FAM83B: variants seen among roughly 807,000 people sequenced by gnomAD.
FAM83B encodes protein FAM83B.
Under a neutral mutation model 38.8 loss-of-function variants are expected in FAM83B, and 26 were observed. That is an observed-to-expected ratio of 0.67 (90% confidence interval 0.49 to 0.93). FAM83B has a LOEUF of 0.93. Among genes scored for constraint, FAM83B ranks in the 40% least tolerant of loss-of-function variants. FAM83B has a pLI of 0.00. For missense variants in FAM83B, 1,237 were observed against 1,197.3 expected (o/e 1.03, Z -0.49); for synonymous variants, 419 against 423.1 (o/e 0.99, Z 0.12).
chr6:54,870,230 GC>G lies in FAM83B; in HGVS notation c.-15del. On this transcript the variant is annotated 5_prime_UTR_variant, in exon 2 of 5. Transcript: ENST00000306858. ...TGAATGGACATTTGAAAGTGCCATA[GC>G]CAAACACTTGCAAGCATGGAGACCT... The G allele has an allele frequency of 6.3e-7, 1 of 1,599,556 alleles. No individual in the cohort carries two copies. The highest frequency in any genetic ancestry group is 2.2e-5 in the East Asian group (1 of 44,614).
rs141544107 is a variant in FAM83B, at chr6:54,939,644, G to A, written c.735-62G>A. The A allele has an allele frequency of 1.4e-3, 1,985 of 1,408,582 alleles. 31 individuals are homozygous for A. In the African/African-American group the frequency reaches 0.025, roughly 18 times the overall value. 87.3% of individuals were successfully genotyped at this position (1,408,582 alleles called of 1,614,324 possible). ...TAGTCATTAAGTGATACTTTTTTTA[G>A]TAGAACTATATGTTATTATCAATCT... On this transcript the variant is annotated intron_variant, in intron 4 of 4. Coordinates refer to ENST00000306858, the MANE Select transcript of FAM83B (RefSeq NM_001010872.3).
intron 2 of FAM83B, among the ~76,000 whole-genome samples, chr6:54,911,201 A>G (rs1040730094): frequency 3.3e-5 from 5 of 151,626 alleles, no homozygotes; most frequent in African/African-American, 1.2e-4. Flanking sequence ...ACATTTTTAT[A>G]TAGAATGTTA....
intron 4 of FAM83B, among the ~76,000 whole-genome samples, chr6:54,931,611 G>A (rs1303264538): frequency 1.3e-5 from 2 of 151,554 alleles, no homozygotes; most frequent in East Asian, 3.9e-4. Flanking sequence ...TATTTTTACA[G>A]CAATTCCTGC....
At position 54,943,370 on chromosome 6, in the gene FAM83B, T is replaced by A. The variant is rs1773746401; in HGVS notation, c.*1363T>A. ...AGCTCCATATCTGTTCCAGAGACTTTAACTTGACTTTGCTTCATTCACAAA... is the reference window on the plus strand; with the variant it reads ...AGCTCCATATCTGTTCCAGAGACTTAAACTTGACTTTGCTTCATTCACAAA... On this transcript the variant is annotated 3_prime_UTR_variant, in exon 5 of 5. Coordinates refer to ENST00000306858, the MANE Select transcript of FAM83B (RefSeq NM_001010872.3). 1 of 152,198 alleles carries A rather than the reference T, an allele frequency of 6.6e-6. No individual in the cohort carries two copies. Among genetic ancestry groups the A allele is most frequent in the Non-Finnish European group, 1.5e-5 (1 of 68,022 alleles). The allele number at this position is 152,198 out of a possible 1,614,324, so 9.4% of individuals were successfully genotyped here.
chr6:54,847,456 G>A (rs1300007601), intron 1 of FAM83B, among the ~76,000 whole-genome samples: 2 of 152,124 alleles, frequency 1.3e-5, no homozygotes, highest in African/African-American at 4.8e-5. Flanking sequence ...GGGTCGGCCT[G>A]AGTCTGGGTC....
intron 1 of FAM83B, among the ~76,000 whole-genome samples, chr6:54,848,218 C>T (rs934413237): frequency 2.0e-5 from 3 of 152,140 alleles, no homozygotes; most frequent in Admixed American, 2.0e-4. Flanking sequence ...TTCTCTCTGT[C>T]TTCCTATAGT....
At chr6:54,900,876 A>G (rs2127582206) in intron 2 of FAM83B, among the ~76,000 whole-genome samples, 1 of 152,336 alleles carries the variant, frequency 6.6e-6, no homozygotes, top group African/African-American at 2.4e-5. Flanking sequence ...AACCACAAGC[A>G]CTGTATCCAC....
At position 54,941,114 on chromosome 6, in the gene FAM83B, C is replaced by T. The variant is rs1773676475; in HGVS notation, c.2143C>T (p.His715Tyr). The part of the protein sequence containing the change: ...KSSKSMHNVT[H>Y]NLEEDEEEVT... ...TTCTAAAAGCATGCACAATGTGACT[C>T]ATAACTTGGAGGAGGATGAGGAGGA... Residue 715 changes from histidine (H) to tyrosine (Y), a missense_variant, in exon 5 of 5, where the codon CAT becomes TAT. Coordinates refer to ENST00000306858, the MANE Select transcript of FAM83B (RefSeq NM_001010872.3). 6.2e-7 allele frequency: 1 copy of T among 1,613,556 alleles called. No homozygotes were observed. Among genetic ancestry groups the T allele is most frequent in the Admixed American group, 1.7e-5 (1 of 59,900 alleles).
chr6:54,928,641 C>A (rs1503150), intron 4 of FAM83B, among the ~76,000 whole-genome samples: 44,223 of 151,952 alleles, frequency 0.29, 9,716 homozygotes, highest in African/African-American at 0.62. Context: ...GCTTGAAATT[C>A]GTGAGTCCTT....
At chr6:54,895,922 A>G (rs1423429245) in intron 2 of FAM83B, among the ~76,000 whole-genome samples, 1 of 151,714 alleles carries the variant, frequency 6.6e-6, no homozygotes, top group Non-Finnish European at 1.5e-5. Context: ...GTCTTGCTCT[A>G]TCACCCAAGC....
intron 2 of FAM83B, 65 bp downstream of exon 2, chr6:54,870,755 C>G (rs1771834146): frequency 7.3e-7 from 1 of 1,378,702 alleles, no homozygotes; most frequent in African/African-American, 1.5e-5. Flanking sequence ...AGAGTAATAA[C>G]ACAAATATGT....
intron 3 of FAM83B, 23 bp downstream of exon 3, chr6:54,926,558 C>A: frequency 6.9e-7 from 1 of 1,452,348 alleles, no homozygotes. Context: ...TTTTTTTTTT[C>A]CTCAAGTATT....
At chr6:54,913,317 C>G (rs1772956758) in intron 2 of FAM83B, among the ~76,000 whole-genome samples, 1 of 151,996 alleles carries the variant, frequency 6.6e-6, no homozygotes, top group East Asian at 1.9e-4. Flanking sequence ...ATATTGTCAC[C>G]AACATTTTTA....
intron 2 of FAM83B, among the ~76,000 whole-genome samples, chr6:54,911,629 A>G (rs1367712615): frequency 6.6e-6 from 1 of 151,962 alleles, no homozygotes; most frequent in Non-Finnish European, 1.5e-5. Flanking sequence ...TTAAGGTTAG[A>G]TTTTTTACTG....
At chr6:54,911,578 C>T (rs990136346) in intron 2 of FAM83B, among the ~76,000 whole-genome samples, 1 of 152,038 alleles carries the variant, frequency 6.6e-6, no homozygotes, top group African/African-American at 2.4e-5. Context: ...CCCTTCTTAG[C>T]ATATGGCTTT....
intron 2 of FAM83B, among the ~76,000 whole-genome samples, chr6:54,889,151 C>G (rs971520407): frequency 2.0e-5 from 3 of 151,996 alleles, no homozygotes; most frequent in Admixed American, 6.6e-5. Flanking sequence ...TTCTTGGCAT[C>G]TGTTGTCTTG....
chr6:54,937,480 T>G (rs1248510551), intron 4 of FAM83B, among the ~76,000 whole-genome samples: 1 of 152,152 alleles, frequency 6.6e-6, no homozygotes, highest in Non-Finnish European at 1.5e-5. Context: ...AATTCTGCCC[T>G]TTAATGATTG....
chr6:54,875,751 G>A (rs574897865), intron 2 of FAM83B, among the ~76,000 whole-genome samples: 4 of 142,808 alleles, frequency 2.8e-5, no homozygotes, highest in Middle Eastern at 7.8e-3. Context: ...GGAAGAAAGG[G>A]AGAGAAAAGA....
intron 2 of FAM83B, among the ~76,000 whole-genome samples, chr6:54,871,519 G>A (rs1249670207): frequency 6.7e-6 from 1 of 149,428 alleles, no homozygotes; most frequent in Non-Finnish European, 1.5e-5. Context: ...AGGAGTTTGA[G>A]ACTACCCTGG....
Sources: allele counts gnomAD v4.1 joint callset (sites outside exome capture counted in the v4.1 genomes callset), GRCh38; gene constraint gnomAD v4.1.1; transcripts MANE v1.5; gene names NCBI Gene and HGNC (gene_info 2026-07-23, HGNC 2026-07-21).